Variants in CABIN1 observed in about 807,000 individuals in gnomAD.
The protein encoded by CABIN1 is calcineurin binding protein 1.
In CABIN1, 133 loss-of-function variants were observed where a neutral mutation model predicts 227.7. The observed-to-expected ratio is 0.58, with a 90% CI of 0.51 to 0.67. The LOEUF is 0.67. Among genes scored for constraint, CABIN1 ranks in the 30% least tolerant of loss-of-function variants. CABIN1 has a pLI of 0.00. For synonymous variants in CABIN1, 1,086 were observed against 1,155.1 expected, an observed-to-expected ratio of 0.94 and a Z score of 1.21; for missense variants, 2,408 against 2,852.5, an observed-to-expected ratio of 0.84 and a Z score of 3.55.
At chr22:24,034,546 A>G (rs953917563) in intron 1 of CABIN1, among the ~76,000 whole-genome samples, 53 of 152,278 alleles carry the variant, frequency 3.5e-4, no homozygotes, top group African/African-American at 1.3e-3. Flanking sequence ...TTTAGCTTTT[A>G]GAAATAATGC....
intron 18 of CABIN1, 140 bp from the exon 19 acceptor site, chr22:24,076,029 A>C: frequency 1.5e-6 from 1 of 659,094 alleles, no homozygotes; most frequent in South Asian, 1.7e-5. Flanking sequence ...GCAAAAAAAA[A>C]AAAAAAAGGG....
At chr22:24,104,279 GCTT>G (rs1161277570) in intron 26 of CABIN1, among the ~76,000 whole-genome samples, 10 of 152,152 alleles carry the variant, frequency 6.6e-5, no homozygotes, top group Non-Finnish European at 1.5e-4. Context: ...GAACTGCTTC[GCTT>G]CTTCTGGCAT....
At chr22:24,089,482 G>C (rs529635784) in intron 23 of CABIN1, among the ~76,000 whole-genome samples, 80 of 152,320 alleles carry the variant, frequency 5.3e-4, no homozygotes, top group African/African-American at 1.9e-3. Flanking sequence ...TGGCAGGAGA[G>C]AGATGGAAAT....
chr22:24,131,912 A>G lies in CABIN1; in HGVS notation c.4633-2390A>G, dbSNP rs187627873. On this transcript the variant is annotated intron_variant, in intron 28 of 36. Transcript: ENST00000263119. Reference sequence around the variant, plus strand: ...GAAACCCCATCTCTACTAAAAATACAAAAATTAGCCAGGCATGGTGGCAGG... The same window carrying G: ...GAAACCCCATCTCTACTAAAAATACGAAAATTAGCCAGGCATGGTGGCAGG... 8.3e-4 allele frequency among the ~76,000 whole-genome samples: 127 copies of G among 152,246 alleles called. 1 individual carries two copies. The highest frequency in any genetic ancestry group is 2.9e-3 in the African/African-American group (120 of 41,532).
chr22:24,097,070 G>A (rs924871844), intron 25 of CABIN1, among the ~76,000 whole-genome samples: 1 of 152,228 alleles, frequency 6.6e-6, no homozygotes. Flanking sequence ...TGCATGGCAG[G>A]CCACTCAGGT....
intron 29 of CABIN1, among the ~76,000 whole-genome samples, chr22:24,145,054 G>A (rs1249495603): frequency 3.3e-5 from 5 of 152,236 alleles, no homozygotes. Context: ...AGAAGATGCA[G>A]CATGAGGCAC....
Position 24,128,158 on chromosome 22 carries a change from A to G in CABIN1, c.4633-6144A>G, listed in dbSNP as rs561641606. Among the ~76,000 whole-genome samples, 14 of 152,116 alleles carry G rather than the reference A, an allele frequency of 9.2e-5. No individual in the cohort carries two copies. The East Asian group carries it at 2.7e-3, about 29-fold the overall frequency. ...GGAATGTTGGGTGCATTTCCTTTCC[A>G]TCTTCTGCCTACTTTCTTTACACAC... On this transcript the variant is annotated intron_variant, in intron 28 of 36. Coordinates refer to ENST00000263119, the MANE Select transcript of CABIN1 (RefSeq NM_012295.4).
intron 28 of CABIN1, among the ~76,000 whole-genome samples, chr22:24,120,115 T>C (rs1358317965): frequency 6.6e-6 from 1 of 152,162 alleles, no homozygotes; most frequent in Non-Finnish European, 1.5e-5. Context: ...CCCTGCTTAC[T>C]CTCTGTTCTG....
intron 1 of CABIN1, among the ~76,000 whole-genome samples, chr22:24,026,315 CCTAGTTTA>C (rs1333071121): frequency 6.6e-6 from 1 of 152,128 alleles, no homozygotes. Context: ...TGATTATTTT[CCTAGTTTA>C]CTGGTTGTTT....
chr22:24,042,879 T>TTGA, intron 5 of CABIN1, 25 bp from the exon 6 acceptor site: 1 of 1,450,338 alleles, frequency 6.9e-7, no homozygotes, highest in Non-Finnish European at 9.5e-7. Flanking sequence ...TGTGTGTGTT[T>TTGA]GCCCTCTGCT....
chr22:24,078,534 T>G (rs1271658138), intron 19 of CABIN1, among the ~76,000 whole-genome samples: 1 of 152,202 alleles, frequency 6.6e-6, no homozygotes, highest in Non-Finnish European at 1.5e-5. Flanking sequence ...TTAGATAGAA[T>G]GGAAATGTTC....
At chr22:24,156,024 G>A (rs1453573348) in intron 29 of CABIN1, 59 of 573,408 alleles carry the variant, frequency 1.0e-4, no homozygotes, top group Non-Finnish European at 1.6e-4. Context: ...CCGCGGCCAT[G>A]GCCCGGCGCT....
At chr22:24,100,670 C>A (rs1187440113) in intron 26 of CABIN1, among the ~76,000 whole-genome samples, 1 of 152,182 alleles carries the variant, frequency 6.6e-6, no homozygotes, top group Non-Finnish European at 1.5e-5. Flanking sequence ...CCTGGTACAG[C>A]TGAGGAGAAG....
chr22:24,172,031 C>G, intron 34 of CABIN1, 36 bp downstream of exon 34: 1 of 1,594,412 alleles, frequency 6.3e-7, no homozygotes. Flanking sequence ...GGGCCCAGGC[C>G]CCTGCCACCA....
intron 26 of CABIN1, among the ~76,000 whole-genome samples, chr22:24,098,824 A>C (rs997041580): frequency 3.9e-5 from 6 of 152,204 alleles, no homozygotes; most frequent in Non-Finnish European, 8.8e-5. Context: ...TATAGTGATA[A>C]GCTAGTGACA....
intron 17 of CABIN1, among the ~76,000 whole-genome samples, chr22:24,071,878 C>A (rs368499171): frequency 1.3e-5 from 2 of 152,140 alleles, no homozygotes. Flanking sequence ...CCTCTGCCCC[C>A]ACTCCTTGCC....
At chr22:24,098,241 A>G in intron 26 of CABIN1, 49 bp downstream of exon 26, 1 of 1,389,012 alleles carries the variant, frequency 7.2e-7, no homozygotes, top group Non-Finnish European at 9.7e-7. Context: ...CACATCAATC[A>G]CGGGGGGGTG....
rs747119359 is a variant in CABIN1 at position 24,098,136 on chromosome 22, C to T, written c.4061C>T (p.Pro1354Leu). ...ACATCCCCACCTTACACAGCCACTC[C>T]GATTGACCACGATTACGTCAAATGT... ...GLTSPPYTATPIDHDYVKCKK... is the reference protein window; with the variant it reads ...GLTSPPYTATLIDHDYVKCKK... Residue 1354 changes from proline (P) to leucine (L), a missense_variant, in exon 26 of 37, where the codon CCG becomes CTG. By Grantham distance (98) the Pro-to-Leu change is moderately conservative. Around this residue, in one of 3 missense-constraint regions of CABIN1, gnomAD observed 649 missense variants for 910.3 expected, o/e 0.71. Transcript: ENST00000263119. 7.4e-6 allele frequency: 12 copies of T among 1,614,168 alleles called. No individual in the cohort carries two copies. The highest frequency in any genetic ancestry group is 1.1e-5 in the South Asian group (1 of 91,080).
chr22:24,136,064 C>G (rs761174948), intron 29 of CABIN1, among the ~76,000 whole-genome samples: 1 of 152,142 alleles, frequency 6.6e-6, no homozygotes, highest in African/African-American at 2.4e-5. Context: ...GAGAGGTGCT[C>G]TCTTATCTGC....
Sources: allele counts gnomAD v4.1 joint callset (sites outside exome capture counted in the v4.1 genomes callset), GRCh38; gene constraint gnomAD v4.1.1; regional missense constraint gnomAD v4.1.1; transcripts MANE v1.5; gene names NCBI Gene and HGNC (gene_info 2026-07-23, HGNC 2026-07-21).